FAAH2: variants seen among roughly 807,000 people sequenced by gnomAD.
FAAH2 encodes the protein fatty acid amide hydrolase 2.
A neutral mutation model predicts 36.9 loss-of-function variants in FAAH2; 60 were observed. The ratio of observed to expected loss-of-function variants is 1.63; its 90% CI spans 1.32 to 2.02. The LOEUF (loss-of-function observed/expected upper bound fraction) is 2.02, where lower values mean the gene tolerates loss of function less well. Among genes scored for constraint, FAAH2 ranks in the 30% most tolerant of loss-of-function variants. FAAH2 has a pLI of 0.00. For missense variants in FAAH2, 689 were observed against 397.5 expected (o/e 1.73, Z -6.23); for synonymous variants, 214 against 143.8 (o/e 1.49, Z -3.49).
intron 3 of FAAH2, among the ~76,000 whole-genome samples, chrX:57,325,458 C>T (rs1476190087): frequency 9.0e-6 from 1 of 111,449 alleles, no homozygotes; most frequent in Admixed American, 9.5e-5. Flanking sequence ...TGCTGTGAAT[C>T]CATCTGGTCC....
chrX:57,401,479 G>A (rs776482115), intron 7 of FAAH2, among the ~76,000 whole-genome samples: 41 of 111,723 alleles, frequency 3.7e-4, no homozygotes, highest in Non-Finnish European at 7.1e-4. Context: ...TAAGGGTTAG[G>A]TATAGCTGGA....
intron 7 of FAAH2, among the ~76,000 whole-genome samples, chrX:57,419,931 C>A (rs1407819601): frequency 6.8e-4 from 76 of 111,844 alleles, no homozygotes; most frequent in East Asian, 1.1e-3. Flanking sequence ...TCAGCTTTCT[C>A]CATATGGCTA....
At position 57,352,073 on chromosome X, in the gene FAAH2, TATATATGTGTATATATATGC is replaced by T. The variant is rs1271965101; in HGVS notation, c.742+10685_742+10704del. Reference sequence around the variant, plus strand: ...GTGTATATATATATATATACACATATATATATGTGTATATATATGCACATATATATATATGTGTATATATA... The same window carrying T: ...GTGTATATATATATATATACACATATACATATATATATATGTGTATATATA... On this transcript the variant is annotated intron_variant, in intron 5 of 10. Transcript: ENST00000374900. 8.9e-4 allele frequency among the ~76,000 whole-genome samples: 30 copies of T among 33,802 alleles called. 2 individuals carry two copies. The highest frequency in any genetic ancestry group is 1.2e-3 in the Non-Finnish European group (24 of 19,331). The allele number at this position is 33,802 out of a possible 115,157, so 29.4% of individuals were successfully genotyped here. A position where few individuals can be genotyped will look rare whatever the true frequency, so the allele number is the denominator to read the frequency against.
At chrX:57,218,794 G>A in the FAAH2 span, among the ~76,000 whole-genome samples, 8 of 111,834 alleles carry the variant, frequency 7.2e-5, no homozygotes, top group South Asian at 3.8e-4. Flanking sequence ...TTCCTTGAAT[G>A]TATGGTAGAA....
intron 5 of FAAH2, among the ~76,000 whole-genome samples, chrX:57,374,125 G>A (rs943767408): frequency 1.8e-5 from 2 of 111,720 alleles, no homozygotes; most frequent in African/African-American, 6.5e-5. Context: ...TGGCCTTATA[G>A]TATAGTTTGA....
At chrX:57,474,707 C>A (rs991943708) in intron 10 of FAAH2, among the ~76,000 whole-genome samples, 9 of 112,069 alleles carry the variant, frequency 8.0e-5, no homozygotes, top group Non-Finnish European at 1.3e-4. Flanking sequence ...GATTTATAAT[C>A]CTTCAGGTAT....
chrX:57,452,240 G>A (rs1447900609), intron 10 of FAAH2: 17 of 752,917 alleles, frequency 2.3e-5, no homozygotes, highest in Non-Finnish European at 2.7e-5. Context: ...TTGGTGCCAG[G>A]AATGCTAAGC....
intron 10 of FAAH2, among the ~76,000 whole-genome samples, chrX:57,458,628 G>A (rs1246705623): frequency 2.7e-5 from 3 of 112,254 alleles, no homozygotes; most frequent in Non-Finnish European, 5.6e-5. Context: ...TTGCAATTGA[G>A]GTAACCTAAT....
chrX:57,269,491 G>A, the FAAH2 span, among the ~76,000 whole-genome samples: 1 of 111,536 alleles, frequency 9.0e-6, no homozygotes, highest in East Asian at 2.8e-4. Context: ...CCTTTCATAA[G>A]CAAATTCAAG....
the FAAH2 span, among the ~76,000 whole-genome samples, chrX:57,169,330 T>C: frequency 9.8e-6 from 1 of 101,970 alleles, no homozygotes; most frequent in African/African-American, 3.4e-5. Flanking sequence ...TGTGTGTGTG[T>C]GTGGTTTCAT....
the FAAH2 span, among the ~76,000 whole-genome samples, chrX:57,125,634 T>C: frequency 8.9e-6 from 1 of 112,154 alleles, no homozygotes; most frequent in South Asian, 3.7e-4. Context: ...AATTATTTCG[T>C]ATTTCTCAGC....
chrX:57,236,595 A>T, the FAAH2 span, among the ~76,000 whole-genome samples: 1 of 111,879 alleles, frequency 8.9e-6, no homozygotes, highest in Non-Finnish European at 1.9e-5. Flanking sequence ...GTGATTAGTG[A>T]TATTGTGAAT....
chrX:57,298,739 A>T (rs1403763872), intron 2 of FAAH2, among the ~76,000 whole-genome samples: 1 of 73,873 alleles, frequency 1.4e-5, no homozygotes, highest in Non-Finnish European at 2.6e-5. Context: ...AAAGAGAATA[A>T]TCAATTAGAC....
intron 10 of FAAH2, among the ~76,000 whole-genome samples, chrX:57,465,520 A>G (rs938101806): frequency 8.0e-5 from 9 of 112,015 alleles, no homozygotes; most frequent in Admixed American, 7.6e-4. Flanking sequence ...AGGAAGCCAG[A>G]AAACAGTGAG....
At chrX:57,160,782 C>G in the FAAH2 span, among the ~76,000 whole-genome samples, 3 of 111,604 alleles carry the variant, frequency 2.7e-5, no homozygotes, top group Non-Finnish European at 5.6e-5. Context: ...AATGGTCTTT[C>G]AATTTTGTTG....
At chrX:57,354,095 C>G (rs1249379169) in intron 5 of FAAH2, among the ~76,000 whole-genome samples, 1 of 110,626 alleles carries the variant, frequency 9.0e-6, no homozygotes, top group Non-Finnish European at 1.9e-5. Flanking sequence ...TACTGGATAG[C>G]TACCCAAAGG....
chrX:57,400,974 T>A (rs773324075), intron 7 of FAAH2, among the ~76,000 whole-genome samples: 2 of 110,447 alleles, frequency 1.8e-5, no homozygotes, highest in African/African-American at 6.6e-5. Context: ...TACAAAAAAA[T>A]TAGCCAGGTG....
the FAAH2 span, among the ~76,000 whole-genome samples, chrX:57,268,308 G>T: frequency 1.8e-5 from 2 of 111,326 alleles, no homozygotes; most frequent in East Asian, 5.6e-4. Flanking sequence ...GATAAAAAAA[G>T]AATTAAAAGG....
chrX:57,451,900 GA>G (rs1382006214), intron 10 of FAAH2, among the ~76,000 whole-genome samples: 1 of 112,677 alleles, frequency 8.9e-6, no homozygotes, highest in African/African-American at 3.2e-5. Flanking sequence ...CAGATTCTTT[GA>G]ATATTTGATT....
Sources: allele counts gnomAD v4.1 joint callset (sites outside exome capture counted in the v4.1 genomes callset), GRCh38; gene constraint gnomAD v4.1.1; transcripts MANE v1.5; gene names NCBI Gene and HGNC (gene_info 2026-07-23, HGNC 2026-07-21).